TBC1D19: variants seen among roughly 807,000 people sequenced by gnomAD.
The protein encoded by TBC1D19 is TBC1 domain family member 19.
In TBC1D19, 60 loss-of-function variants were observed where a neutral mutation model predicts 89.0. That is an observed-to-expected ratio of 0.67 (90% CI 0.55 to 0.84). TBC1D19 has a LOEUF of 0.84. Among genes scored for constraint, TBC1D19 ranks in the 40% least tolerant of loss-of-function variants. TBC1D19 has a pLI of 0.00. For missense variants in TBC1D19, 500 were observed against 610.8 expected (o/e 0.82, Z 1.91); for synonymous variants, 189 against 199.7 (o/e 0.95, Z 0.45).
intron 11 of TBC1D19, among the ~76,000 whole-genome samples, chr4:26,675,414 G>C (rs1712717442): frequency 6.6e-6 from 1 of 151,942 alleles, no homozygotes; most frequent in African/African-American, 2.4e-5. Flanking sequence ...TTTTTAAGGT[G>C]ATTTTTACCC....
intron 18 of TBC1D19, among the ~76,000 whole-genome samples, chr4:26,743,852 T>A (rs1217707773): frequency 6.6e-6 from 1 of 151,652 alleles, no homozygotes; most frequent in Admixed American, 6.6e-5. Context: ...TTTTCTTTAC[T>A]AGGATGAAGA....
intron 12 of TBC1D19, among the ~76,000 whole-genome samples, chr4:26,684,990 G>T (rs199794594): frequency 6.6e-6 from 1 of 152,128 alleles, no homozygotes; most frequent in East Asian, 1.9e-4. Flanking sequence ...AAATAACAGA[G>T]CTTATGGGCA....
At chr4:26,580,537 C>T (rs893879679), upstream of TBC1D19, among the ~76,000 whole-genome samples, 1 of 152,206 alleles carries the variant, frequency 6.6e-6, no homozygotes, top group Non-Finnish European at 1.5e-5. Flanking sequence ...AGGTAATTGA[C>T]ATCAATATGA....
At chr4:26,681,525 T>G (rs892469968) in intron 11 of TBC1D19, among the ~76,000 whole-genome samples, 1 of 152,028 alleles carries the variant, frequency 6.6e-6, no homozygotes, top group South Asian at 2.1e-4. Context: ...CACTCCAGCC[T>G]GGGCGACAGA....
chr4:26,590,581 A>G (rs1224787367), intron 1 of TBC1D19, among the ~76,000 whole-genome samples: 1 of 152,042 alleles, frequency 6.6e-6, no homozygotes, highest in Non-Finnish European at 1.5e-5. Flanking sequence ...GCAGTTTTCT[A>G]TTTGAGAATA....
At chr4:26,649,183 G>C (rs748783304) in intron 7 of TBC1D19, among the ~76,000 whole-genome samples, 1 of 151,730 alleles carries the variant, frequency 6.6e-6, no homozygotes, top group African/African-American at 2.4e-5. Flanking sequence ...TATATTTATA[G>C]TGTCAATATA....
At chr4:26,650,858 A>C (rs1399298629) in intron 7 of TBC1D19, among the ~76,000 whole-genome samples, 1 of 152,166 alleles carries the variant, frequency 6.6e-6, no homozygotes, top group Non-Finnish European at 1.5e-5. Context: ...TCTCACATTT[A>C]AGTCTTTATA....
chr4:26,736,952 A>C (rs1718088504), intron 16 of TBC1D19, among the ~76,000 whole-genome samples: 1 of 152,212 alleles, frequency 6.6e-6, no homozygotes, highest in Admixed American at 6.6e-5. Context: ...TTAATTTTTA[A>C]GTTTTCAAGT....
At chr4:26,662,661 G>A (rs987854734) in intron 8 of TBC1D19, among the ~76,000 whole-genome samples, 1 of 152,122 alleles carries the variant, frequency 6.6e-6, no homozygotes, top group African/African-American at 2.4e-5. Flanking sequence ...TAAAAGAAAA[G>A]CAGAGTATAT....
chr4:26,706,537 T>A (rs190008761), intron 13 of TBC1D19, among the ~76,000 whole-genome samples: 1 of 152,254 alleles, frequency 6.6e-6, no homozygotes, highest in East Asian at 1.9e-4. Context: ...TTATCTCTGC[T>A]CTACTTTTTA....
intron 1 of TBC1D19, among the ~76,000 whole-genome samples, chr4:26,599,816 C>G (rs930724820): frequency 6.6e-6 from 1 of 151,698 alleles, no homozygotes; most frequent in East Asian, 1.9e-4. Flanking sequence ...GGTATGGTGG[C>G]GTGCATCTGT....
At chr4:26,764,916 T>C in the TBC1D19 span, among the ~76,000 whole-genome samples, 1 of 152,222 alleles carries the variant, frequency 6.6e-6, no homozygotes, top group Non-Finnish European at 1.5e-5. Flanking sequence ...ATGCCATTTT[T>C]ATTGATGTAA....
At chr4:26,753,694 G>A in intron 19 of TBC1D19, 126 bp from the exon 20 acceptor site, 1 of 863,416 alleles carries the variant, frequency 1.2e-6, no homozygotes, top group Non-Finnish European at 1.8e-6. Flanking sequence ...GAATGCGGGG[G>A]TGTGGTCCGT....
chr4:26,730,841 A>G (rs1717613583), intron 15 of TBC1D19, among the ~76,000 whole-genome samples: 1 of 152,180 alleles, frequency 6.6e-6, no homozygotes, highest in Non-Finnish European at 1.5e-5. Context: ...GGAGGTGTAT[A>G]CCTTCTCTTC....
the TBC1D19 span, among the ~76,000 whole-genome samples, chr4:26,822,067 T>A: frequency 2.0e-5 from 3 of 152,218 alleles, no homozygotes; most frequent in South Asian, 6.2e-4. Flanking sequence ...TGCAAAGCAT[T>A]TCTAATCACG....
chr4:26,855,858 T>A, the TBC1D19 span, among the ~76,000 whole-genome samples: 2 of 152,260 alleles, frequency 1.3e-5, no homozygotes, highest in African/African-American at 4.8e-5. Context: ...TTAAAATTAA[T>A]TTTTAATTGA....
At chr4:26,679,731 C>T (rs539270609) in intron 11 of TBC1D19, among the ~76,000 whole-genome samples, 5 of 152,328 alleles carry the variant, frequency 3.3e-5, no homozygotes, top group South Asian at 2.1e-4. Context: ...GGGCTGTACT[C>T]GGTAAAGCCA....
the TBC1D19 span, among the ~76,000 whole-genome samples, chr4:26,851,779 C>T: frequency 5.3e-5 from 8 of 152,080 alleles, no homozygotes; most frequent in Admixed American, 1.3e-4. Context: ...TGCAATGGTA[C>T]GATCTTGGCT....
At chr4:26,829,483 C>T in the TBC1D19 span, among the ~76,000 whole-genome samples, 4 of 152,212 alleles carry the variant, frequency 2.6e-5, no homozygotes, top group South Asian at 2.1e-4. Flanking sequence ...ACTTCTTTAA[C>T]TCCTATTTCA....
Sources: gnomAD v4.1 joint callset for allele counts (sites outside exome capture counted in the v4.1 genomes callset) on GRCh38, gnomAD v4.1.1 for gene constraint, MANE v1.5 for transcripts, NCBI Gene and HGNC (gene_info 2026-07-23, HGNC 2026-07-21) for gene names.